The following CCDC77 variants were observed in gnomAD, a reference collection of about 807,000 sequenced individuals.
CCDC77 encodes the protein coiled-coil domain containing 77.
In CCDC77, 56 loss-of-function variants were observed where a neutral mutation model predicts 66.8. The observed-to-expected ratio is 0.84, with a 90% CI of 0.68 to 1.05. The LOEUF (loss-of-function observed/expected upper bound fraction) is 1.05, where lower values mean the gene tolerates loss of function less well. CCDC77 is among the 50% of genes least tolerant of loss of function. CCDC77 has a pLI of 0.00. For synonymous variants in CCDC77, 196 were observed against 195.2 expected (o/e 1.00, Z -0.03); for missense variants, 570 against 576.8 (o/e 0.99, Z 0.12).
chr12:416,026 G>C (rs1018687377), intron 4 of CCDC77, among the ~76,000 whole-genome samples: 2 of 151,716 alleles, frequency 1.3e-5, no homozygotes, highest in African/African-American at 4.8e-5. Flanking sequence ...GGGTGGTCTT[G>C]AACGCCTGAC....
intron 7 of CCDC77, among the ~76,000 whole-genome samples, chr12:431,419 G>T (rs530696859): frequency 6.6e-6 from 1 of 151,944 alleles, no homozygotes; most frequent in African/African-American, 2.4e-5. Flanking sequence ...GTGTAGGAAG[G>T]GGTTCTCACT....
In CCDC77 at chr12:423,499, T is replaced by TTTG. The variant is rs1565572294; in HGVS notation, c.413+4865_413+4866insGTT. Among the ~76,000 whole-genome samples, 7 of 81,504 alleles carry TTTG rather than the reference T, an allele frequency of 8.6e-5. 1 individual carries two copies. The highest frequency in any genetic ancestry group is 1.7e-4 in the Non-Finnish European group (7 of 41,012). The allele number at this position is 81,504 out of a possible 152,430, so 53.5% of individuals were successfully genotyped here. Reference sequence around the variant, plus strand: ...TTTGTGTTTTTTTTTGTTTTGTTTTTTTTTTTTTTTTTTTGAGACAGGGTC... The same window carrying TTTG: ...TTTGTGTTTTTTTTTGTTTTGTTTTTTTGTTTTTTTTTTTTTTGAGACAGGGTC... On this transcript the variant is annotated intron_variant, in intron 5 of 12. Transcript: ENST00000239830.
At chr12:423,491 T>TTG (rs1945468795) in intron 5 of CCDC77, among the ~76,000 whole-genome samples, 4 of 34,560 alleles carry the variant, frequency 1.2e-4, no homozygotes, top group Non-Finnish European at 2.4e-4. Context: ...TTTTTTTTGT[T>TTG]TTGTTTTTTT....
chr12:422,123 T>C (rs78318938), intron 5 of CCDC77, among the ~76,000 whole-genome samples: 53 of 31,984 alleles, frequency 1.7e-3, no homozygotes, highest in Non-Finnish European at 2.3e-3. Context: ...GAGGGTAAAA[T>C]ACACATAGCA....
chr12:416,712 G>A (rs1011491266), intron 4 of CCDC77, among the ~76,000 whole-genome samples: 2 of 151,536 alleles, frequency 1.3e-5, no homozygotes, highest in African/African-American at 2.4e-5. Flanking sequence ...TCTCTAGAAC[G>A]TTTTCATTTT....
intron 5 of CCDC77, among the ~76,000 whole-genome samples, chr12:424,140 T>G (rs181005948): frequency 7.8e-4 from 118 of 152,082 alleles, no homozygotes; most frequent in African/African-American, 2.7e-3. Context: ...CTGGCTAATT[T>G]TTGTATTTTT....
intron 2 of CCDC77, 62 bp from the exon 3 acceptor site, chr12:409,306 C>A (rs1173364138): frequency 7.7e-6 from 9 of 1,163,332 alleles, no homozygotes; most frequent in Non-Finnish European, 1.2e-5. Flanking sequence ...CCAGTCTAAT[C>A]CTGTACTGTT....
At chr12:439,317 C>A (rs1426944968) in intron 10 of CCDC77, among the ~76,000 whole-genome samples, 1 of 151,874 alleles carries the variant, frequency 6.6e-6, no homozygotes, top group Non-Finnish European at 1.5e-5. Flanking sequence ...GTCAGGAGTT[C>A]GAGACCAGCC....
intron 6 of CCDC77, among the ~76,000 whole-genome samples, chr12:429,676 C>T (rs752328595): frequency 6.6e-5 from 10 of 152,050 alleles, no homozygotes; most frequent in Non-Finnish European, 1.3e-4. Flanking sequence ...CCAGGCTGGT[C>T]TCGAACTCCT....
chr12:390,951 T>A (rs1402332625), intron 1 of CCDC77, among the ~76,000 whole-genome samples: 1 of 152,132 alleles, frequency 6.6e-6, no homozygotes, highest in Non-Finnish European at 1.5e-5. Flanking sequence ...TCTAAGAAGA[T>A]GAGAGTGGAA....
intron 4 of CCDC77, among the ~76,000 whole-genome samples, chr12:417,826 T>C (rs1265216372): frequency 2.0e-5 from 3 of 151,774 alleles, no homozygotes; most frequent in Non-Finnish European, 4.4e-5. Flanking sequence ...CACTTGAACC[T>C]GGGAGGTGGA....
chr12:423,925 C>T (rs1945483253), intron 5 of CCDC77, among the ~76,000 whole-genome samples: 1 of 152,072 alleles, frequency 6.6e-6, no homozygotes, highest in African/African-American at 2.4e-5. Flanking sequence ...GGAGAAATGT[C>T]TATTCAAATA....
intron 5 of CCDC77, among the ~76,000 whole-genome samples, chr12:423,964 TTTG>T (rs1302040102): frequency 3.3e-5 from 5 of 152,122 alleles, no homozygotes; most frequent in Non-Finnish European, 5.9e-5. Flanking sequence ...TTGGGTTGTT[TTTG>T]TTGTTGAGTT....
chr12:428,660 G>T, intron 5 of CCDC77, 109 bp from the exon 6 acceptor site: 2 of 586,494 alleles, frequency 3.4e-6, no homozygotes, highest in African/African-American at 2.3e-5. Context: ...TTTTAATTTG[G>T]GGTTACAATT....
chr12:411,928 G>A lies in CCDC77; in HGVS notation c.220G>A (p.Glu74Lys), dbSNP rs1421445279. 2 of 1,613,954 alleles carry A rather than the reference G, an allele frequency of 1.2e-6. No individual in the cohort carries two copies. Among genetic ancestry groups the A allele is most frequent in the Non-Finnish European group, 1.7e-6 (2 of 1,180,032 alleles). ...GATGGCTGAGTGTGAGGCAGAAAAT[G>A]AGGACTTGCTGAAGAAACTGGAACT... is the stretch of plus-strand genomic sequence containing the variant. ...KKMAECEAEN[E>K]DLLKKLELYK... Residue 74 changes from glutamate (E) to lysine (K), a missense_variant, in exon 4 of 13, where the codon GAG becomes AAG. By Grantham distance (56) the Glu-to-Lys change is moderately conservative (BLOSUM62 1). Transcript: ENST00000239830.
intron 1 of CCDC77, among the ~76,000 whole-genome samples, chr12:403,316 A>T (rs1041441849): frequency 2.0e-5 from 3 of 152,192 alleles, no homozygotes; most frequent in Non-Finnish European, 4.4e-5. Flanking sequence ...GAGTGCTTAT[A>T]TATGTGTCAA....
Position 411,890 on chromosome 12 carries a change from A to G in CCDC77, c.182A>G (p.Tyr61Cys). 1.9e-6 allele frequency: 3 copies of G among 1,614,078 alleles called. No homozygotes were observed. Among genetic ancestry groups the G allele is most frequent in the African/African-American group, 1.3e-5 (1 of 74,996 alleles). The change falls in exon 4 of 13, where the codon TAT becomes TGT. Residue 61 changes from tyrosine to cysteine, a missense_variant. By Grantham distance (194) the Tyr-to-Cys change is radical (BLOSUM62 -2). Coordinates refer to ENST00000239830, the MANE Select transcript of CCDC77 (RefSeq NM_032358.4). ...KLHPSKELLE[Y>C]YQKKMAECEA... ...CATCCTTCTAAGGAGCTCCTGGAATATTATCAAAAGAAGATGGCTGAGTGT... is the reference window on the plus strand; with the variant it reads ...CATCCTTCTAAGGAGCTCCTGGAATGTTATCAAAAGAAGATGGCTGAGTGT...
At position 442,505 on chromosome 12, in the gene CCDC77, G is replaced by C. The variant is rs891914863; in HGVS notation, c.*585G>C. On this transcript the variant is annotated 3_prime_UTR_variant, in exon 13 of 13. Coordinates refer to ENST00000239830, the MANE Select transcript of CCDC77 (RefSeq NM_032358.4). ...ACGAAATGTCCATCTGGAAAGATTC[G>C]GGAGACACTTTGCCGAGGGGATGAA... The C allele has an allele frequency of 6.6e-6, 1 of 152,198 alleles. No homozygotes were observed. Among genetic ancestry groups the C allele is most frequent in the Non-Finnish European group, 1.5e-5 (1 of 68,048 alleles). The allele number at this position is 152,198 out of a possible 1,614,324, so 9.4% of individuals were successfully genotyped here.
intron 9 of CCDC77, among the ~76,000 whole-genome samples, chr12:433,649 C>G (rs918322654): frequency 7.0e-6 from 1 of 143,070 alleles, no homozygotes; most frequent in Non-Finnish European, 1.5e-5. Flanking sequence ...GAGACCCTGT[C>G]TCAAAAAAAA....
Sources: allele counts gnomAD v4.1 joint callset (sites outside exome capture counted in the v4.1 genomes callset), GRCh38; gene constraint gnomAD v4.1.1; transcripts MANE v1.5; gene names NCBI Gene and HGNC (gene_info 2026-07-23, HGNC 2026-07-21).